Variants in LANCL3 observed in about 807,000 individuals in gnomAD.
The protein encoded by LANCL3 is LanC like family member 3.
LANCL3 carries 19 observed loss-of-function variants against 26.5 expected under a neutral mutation model. The observed-to-expected ratio is 0.72, with a 90% CI of 0.50 to 1.05. LANCL3 has a LOEUF of 1.05. Among genes scored for constraint, LANCL3 ranks in the 50% least tolerant of loss-of-function variants. The pLI is 0.00. For missense variants in LANCL3, 318 were observed against 362.7 expected (o/e 0.88, Z 1.00); for synonymous variants, 160 against 166.6 (o/e 0.96, Z 0.30).
At chrX:37,653,459 A>G (rs192415487) in intron 1 of LANCL3, among the ~76,000 whole-genome samples, 26 of 112,490 alleles carry the variant, frequency 2.3e-4, no homozygotes, top group African/African-American at 8.1e-4. Context: ...CCTCTGTCAT[A>G]TGGATTCAAA....
At chrX:37,666,584 A>G (rs782262551) in intron 3 of LANCL3, among the ~76,000 whole-genome samples, 23 of 112,073 alleles carry the variant, frequency 2.1e-4, no homozygotes, top group African/African-American at 7.1e-4. Context: ...CTGAATATGA[A>G]CACCCAGAAC....
intron 1 of LANCL3, among the ~76,000 whole-genome samples, chrX:37,608,769 C>T (rs1046230414): frequency 3.6e-5 from 4 of 111,994 alleles, no homozygotes; most frequent in African/African-American, 1.3e-4. Context: ...CTTTACTCAT[C>T]TTGAATATTC....
chrX:37,639,006 G>T (rs1925787611), intron 1 of LANCL3, among the ~76,000 whole-genome samples: 1 of 109,276 alleles, frequency 9.2e-6, no homozygotes, highest in Non-Finnish European at 1.9e-5. Context: ...TCCATTGTAT[G>T]AATATACCAT....
intron 1 of LANCL3, among the ~76,000 whole-genome samples, chrX:37,603,622 A>G (rs1213321170): frequency 8.9e-6 from 1 of 112,570 alleles, no homozygotes; most frequent in Non-Finnish European, 1.9e-5. Flanking sequence ...TAAGATCTAC[A>G]TTCTCATTGG....
intron 2 of LANCL3, among the ~76,000 whole-genome samples, chrX:37,657,853 G>T (rs782675117): frequency 1.8e-5 from 2 of 111,595 alleles, no homozygotes; most frequent in Non-Finnish European, 3.8e-5. Flanking sequence ...CTGTAAAGCT[G>T]TTTCCAGGGA....
intron 1 of LANCL3, among the ~76,000 whole-genome samples, chrX:37,619,125 A>G (rs1194187841): frequency 9.0e-6 from 1 of 111,123 alleles, no homozygotes; most frequent in Non-Finnish European, 1.9e-5. Flanking sequence ...AAACACTGGC[A>G]CTCAATTATA....
chrX:37,590,402 C>G (rs1160089616), intron 1 of LANCL3, among the ~76,000 whole-genome samples: 1 of 112,316 alleles, frequency 8.9e-6, no homozygotes, highest in Non-Finnish European at 1.9e-5. Flanking sequence ...AGGATTCTTT[C>G]AAGTGTTTCT....
intron 1 of LANCL3, among the ~76,000 whole-genome samples, chrX:37,577,437 A>T (rs1381177443): frequency 8.9e-6 from 1 of 112,686 alleles, no homozygotes; most frequent in African/African-American, 3.2e-5. Context: ...ATGAGAGTCA[A>T]TGATATTTTG....
intron 1 of LANCL3, among the ~76,000 whole-genome samples, chrX:37,632,570 A>C (rs1287428372): frequency 8.9e-6 from 1 of 112,044 alleles, no homozygotes; most frequent in Non-Finnish European, 1.9e-5. Flanking sequence ...ACAATTTGGC[A>C]TGATTTTGCA....
intron 1 of LANCL3, among the ~76,000 whole-genome samples, chrX:37,602,904 T>G (rs781865669): frequency 7.2e-5 from 8 of 111,356 alleles, no homozygotes; most frequent in Non-Finnish European, 1.1e-4. Context: ...GTTTCTGAAT[T>G]AGCTCATACA....
chrX:37,611,477 C>T (rs1310649037), intron 1 of LANCL3, among the ~76,000 whole-genome samples: 1 of 111,559 alleles, frequency 9.0e-6, no homozygotes, highest in East Asian at 2.8e-4. Context: ...TCATTTTAAA[C>T]AAGGAGGATA....
intron 1 of LANCL3, among the ~76,000 whole-genome samples, chrX:37,604,469 A>C (rs1924652608): frequency 8.9e-6 from 1 of 111,993 alleles, no homozygotes; most frequent in Non-Finnish European, 1.9e-5. Context: ...TGAGTGGCTT[A>C]GGTTTTGTTT....
Position 37,606,369 on chromosome X carries a change from C to T in LANCL3, c.573+33926C>T, listed in dbSNP as rs374456404. Among the ~76,000 whole-genome samples the T allele has an allele frequency of 2.7e-4, 30 of 112,080 alleles. No individual in the cohort carries two copies. The South Asian group carries it at 0.011, about 40-fold the overall frequency. ...ATTTAGATGCAGTGAGCCAGTCTTA[C>T]CAGTCCTGGGAATGGTCGTCCCAAA... On this transcript the variant is annotated intron_variant, in intron 1 of 4. Coordinates refer to ENST00000378619, the MANE Select transcript of LANCL3 (RefSeq NM_001170331.2).
intron 1 of LANCL3, among the ~76,000 whole-genome samples, chrX:37,636,580 G>A (rs1474581320): frequency 8.9e-6 from 1 of 112,630 alleles, no homozygotes; most frequent in Non-Finnish European, 1.9e-5. Flanking sequence ...ATATGGGTAA[G>A]TACAGTCTGT....
intron 4 of LANCL3, among the ~76,000 whole-genome samples, chrX:37,674,163 G>C (rs1262407990): frequency 3.6e-5 from 4 of 111,495 alleles, no homozygotes; most frequent in African/African-American, 1.3e-4. Flanking sequence ...GGATTTGTGA[G>C]TTTGCTTGAC....
chrX:37,603,213 T>A (rs782279882), intron 1 of LANCL3, among the ~76,000 whole-genome samples: 1 of 112,153 alleles, frequency 8.9e-6, no homozygotes, highest in Non-Finnish European at 1.9e-5. Context: ...ATCTAAAAGA[T>A]GAGCAGGGTC....
intron 1 of LANCL3, among the ~76,000 whole-genome samples, chrX:37,632,877 G>T (rs1455298385): frequency 9.0e-6 from 1 of 111,464 alleles, no homozygotes; most frequent in African/African-American, 3.3e-5. Flanking sequence ...CTCTCTGGCT[G>T]CCCTTAACAT....
chrX:37,680,802 T>C lies in LANCL3; in HGVS notation c.*4989T>C, dbSNP rs1391380238. The C allele has an allele frequency of 9.0e-6, 1 of 111,064 alleles. No individual in the cohort carries two copies. Among genetic ancestry groups the C allele is most frequent in the East Asian group, 2.8e-4 (1 of 3,601 alleles). 9.2% of individuals were successfully genotyped at this position (111,064 alleles called of 1,213,427 possible). ...TTGCTTCCCTTTTGGTTTTTCTTAG[T>C]CCCTGTAGGAAAAAGTTTACCCCTC... is the stretch of plus-strand genomic sequence containing the variant. On this transcript the variant is annotated 3_prime_UTR_variant, in exon 5 of 5. Coordinates refer to ENST00000378619, the MANE Select transcript of LANCL3 (RefSeq NM_001170331.2).
In LANCL3 at chrX:37,632,199, A is replaced by G. The variant is rs190474911; in HGVS notation, c.574-23489A>G. On this transcript the variant is annotated intron_variant, in intron 1 of 4. Coordinates refer to ENST00000378619, the MANE Select transcript of LANCL3 (RefSeq NM_001170331.2). Reference sequence around the variant, plus strand: ...TTCTTGTTGAATTGATCCGTTTACCATTATGTAATGCCCTTCTTTGTCTCT... The same window carrying G: ...TTCTTGTTGAATTGATCCGTTTACCGTTATGTAATGCCCTTCTTTGTCTCT... Among the ~76,000 whole-genome samples, 39 of 112,224 alleles carry G rather than the reference A, an allele frequency of 3.5e-4. No individual in the cohort carries two copies. The East Asian group carries it at 0.01, about 30-fold the overall frequency.
Sources: gnomAD v4.1 joint callset for allele counts (sites outside exome capture counted in the v4.1 genomes callset) on GRCh38, gnomAD v4.1.1 for gene constraint, MANE v1.5 for transcripts, NCBI Gene and HGNC (gene_info 2026-07-23, HGNC 2026-07-21) for gene names.